The following TYR variants were observed in gnomAD, a reference collection of about 807,000 sequenced individuals.
The protein encoded by TYR is LB24-AB.
TYR carries 58 observed loss-of-function variants against 51.5 expected under a neutral mutation model. The ratio of observed to expected loss-of-function variants is 1.13; its 90% CI spans 0.91 to 1.40. The LOEUF (loss-of-function observed/expected upper bound fraction) is 1.40. TYR is among the 40% of genes most tolerant of loss of function. The probability of loss-of-function intolerance (pLI) is 0.00; values close to 1 mark genes in which losing one functional copy is unlikely to be tolerated. For synonymous variants in TYR, 263 were observed against 235.2 expected (o/e 1.12, Z -1.08); for missense variants, 732 against 647.4 (o/e 1.13, Z -1.42).
Position 89,178,749 on chromosome 11 carries a change from G to A in TYR, c.796G>A (p.Ala266Thr), listed in dbSNP as rs34297847. 9 of 1,613,970 alleles carry A rather than the reference G, an allele frequency of 5.6e-6. No individual in the cohort carries two copies. The highest frequency in any genetic ancestry group is 1.7e-5 in the Admixed American group (1 of 59,996). Reference protein sequence around the residue: ...HPTNPNLLSPASFFSSWQIVC... With the variant: ...HPTNPNLLSPTSFFSSWQIVC... ...CACAAATCCTAACTTACTCAGCCCA[G>A]CATCATTCTTCTCCTCTTGGCAGGT... The change falls in exon 1 of 5, where the codon GCA becomes ACA. Residue 266 changes from alanine (A) to threonine (T), a missense_variant. Physicochemically the swap from Ala to Thr is moderately conservative, Grantham distance 58. Coordinates refer to ENST00000263321, the MANE Select transcript of TYR (RefSeq NM_000372.5).
At position 89,191,399 on chromosome 11, in the gene TYR, C is replaced by T. The variant is rs1184564131; in HGVS notation, c.1017C>T (p.Ser339=). The T allele has an allele frequency of 3.1e-6, 5 of 1,613,524 alleles. No homozygotes were observed. Among genetic ancestry groups the T allele is most frequent in the East Asian group, 2.2e-5 (1 of 44,876 alleles). ...SGSMDKAANF[S]FRNTLEGFAS... ...CCATGGATAAAGCTGCCAATTTCAG[C>T]TTTAGAAATACACTGGAAGGTAATC... Residue 339 remains serine, a synonymous_variant, in exon 2 of 5, where the codon AGC becomes AGT. Coordinates refer to ENST00000263321, the MANE Select transcript of TYR (RefSeq NM_000372.5).
At chr11:89,195,903 T>A (rs1943513281) in intron 2 of TYR, among the ~76,000 whole-genome samples, 1 of 152,102 alleles carries the variant, frequency 6.6e-6, no homozygotes. Context: ...CTTTTATTTA[T>A]TTTTTTAATA....
At chr11:89,205,860 A>G (rs1340229241) in intron 2 of TYR, among the ~76,000 whole-genome samples, 1 of 152,182 alleles carries the variant, frequency 6.6e-6, no homozygotes, top group African/African-American at 2.4e-5. Flanking sequence ...TGAAACAAAA[A>G]TAAAATTTTA....
At chr11:89,289,187 T>A (rs565607060) in intron 4 of TYR, among the ~76,000 whole-genome samples, 1 of 152,178 alleles carries the variant, frequency 6.6e-6, no homozygotes, top group African/African-American at 2.4e-5. Context: ...AAAACTCTGT[T>A]GAGAGCTTCC....
Position 89,287,675 on chromosome 11 carries a change from ATTG to A in TYR, c.1366+2724_1366+2726del, listed in dbSNP as rs1395477760. Among the ~76,000 whole-genome samples, 14 of 152,096 alleles carry A rather than the reference ATTG, an allele frequency of 9.2e-5. No individual in the cohort carries two copies. In the East Asian group the frequency reaches 1.9e-3, roughly 21 times the overall value. ...GGACATGGTTATGAATTTGGGCCAT[ATTG>A]TTAGAATAATGCAAGCCACTGATAA... On this transcript the variant is annotated intron_variant, in intron 4 of 4. Coordinates refer to ENST00000263321, the MANE Select transcript of TYR (RefSeq NM_000372.5).
chr11:89,244,638 G>C (rs1201489986), intron 3 of TYR, among the ~76,000 whole-genome samples: 1 of 152,112 alleles, frequency 6.6e-6, no homozygotes, highest in African/African-American at 2.4e-5. Flanking sequence ...GCTAGATGGT[G>C]CACCTTCGAT....
chr11:89,202,001 C>T (rs1198184778), intron 2 of TYR, among the ~76,000 whole-genome samples: 1 of 152,020 alleles, frequency 6.6e-6, no homozygotes, highest in Non-Finnish European at 1.5e-5. Flanking sequence ...CAGGCCTTTC[C>T]TCTAGAGATT....
intron 2 of TYR, among the ~76,000 whole-genome samples, chr11:89,194,979 C>T (rs191314363): frequency 1.7e-3 from 255 of 152,230 alleles, no homozygotes; most frequent in Non-Finnish European, 2.1e-3. Flanking sequence ...GATCAAGATT[C>T]GGAAGCAAGT....
intron 3 of TYR, among the ~76,000 whole-genome samples, chr11:89,256,634 T>C (rs1944395293): frequency 6.6e-6 from 1 of 151,826 alleles, no homozygotes; most frequent in Admixed American, 6.6e-5. Flanking sequence ...GAAAAAAAAC[T>C]GAAAATGCCT....
intron 2 of TYR, among the ~76,000 whole-genome samples, chr11:89,221,394 C>T (rs1049365960): frequency 6.6e-6 from 1 of 152,184 alleles, no homozygotes; most frequent in African/African-American, 2.4e-5. Context: ...AAAGTATTTT[C>T]TAATAAACAT....
Position 89,178,286 on chromosome 11 carries a change from C to T in TYR, c.333C>T (p.Asn111=), listed in dbSNP as rs1428763809. The T allele has an allele frequency of 6.2e-6, 10 of 1,614,170 alleles. No individual in the cohort carries two copies. Among genetic ancestry groups the T allele is most frequent in the Non-Finnish European group, 8.5e-6 (10 of 1,180,028 alleles). The change falls in exon 1 of 5, where the codon AAC becomes AAT. Residue 111 remains asparagine, a synonymous_variant. Transcript: ENST00000263321. ...GCAAGTTTGGCTTTTGGGGACCAAA[C>T]TGCACAGAGAGACGACTCTTGGTGA... ...GNCKFGFWGP[N]CTERRLLVRR...
intron 2 of TYR, among the ~76,000 whole-genome samples, chr11:89,196,533 G>A (rs762687492): frequency 6.6e-6 from 1 of 152,092 alleles, no homozygotes; most frequent in Admixed American, 6.6e-5. Context: ...CTGACAGACT[G>A]ATAAATCAAT....
chr11:89,238,000 T>A (rs1408549289), intron 3 of TYR, among the ~76,000 whole-genome samples: 1 of 151,828 alleles, frequency 6.6e-6, no homozygotes, highest in Admixed American at 6.6e-5. Context: ...CATATCTGGC[T>A]AATTTTTGTA....
intron 2 of TYR, among the ~76,000 whole-genome samples, chr11:89,197,927 T>C (rs1943544794): frequency 6.6e-6 from 1 of 152,172 alleles, no homozygotes; most frequent in South Asian, 2.1e-4. Context: ...TAACTTTTTT[T>C]CTGCAGCCCT....
Position 89,191,312 on chromosome 11 carries a change from A to C in TYR, c.930A>C (p.Pro310=), listed in dbSNP as rs373154185. 2.5e-6 allele frequency: 4 copies of C among 1,613,662 alleles called. No homozygotes were observed. Among genetic ancestry groups the C allele is most frequent in the Non-Finnish European group, 3.4e-6 (4 of 1,179,762 alleles). ...GAAACCATGACAAATCCAGAACCCC[A>C]AGGCTCCCCTCTTCAGCTGATGTAG... is the stretch of plus-strand genomic sequence containing the variant. ...NPGNHDKSRT[P]RLPSSADVEF... The change falls in exon 2 of 5, where the codon CCA becomes CCC. Residue 310 remains proline, a synonymous_variant. Coordinates refer to ENST00000263321, the MANE Select transcript of TYR (RefSeq NM_000372.5).
intron 1 of TYR, among the ~76,000 whole-genome samples, chr11:89,186,404 C>A (rs1943373305): frequency 6.6e-6 from 1 of 152,054 alleles, no homozygotes; most frequent in South Asian, 2.1e-4. Context: ...TCATATGCAT[C>A]CTGCAGACCT....
chr11:89,221,133 A>C (rs1943906979), intron 2 of TYR, among the ~76,000 whole-genome samples: 1 of 152,230 alleles, frequency 6.6e-6, no homozygotes, highest in Non-Finnish European at 1.5e-5. Context: ...ACTGGTTAAC[A>C]CACACGATGG....
chr11:89,209,245 GT>G (rs1943717771), intron 2 of TYR, among the ~76,000 whole-genome samples: 1 of 152,162 alleles, frequency 6.6e-6, no homozygotes, highest in African/African-American at 2.4e-5. Context: ...CAAATACTAT[GT>G]TTTTCCCATG....
At chr11:89,180,150 A>G (rs575966242) in intron 1 of TYR, among the ~76,000 whole-genome samples, 1 of 152,326 alleles carries the variant, frequency 6.6e-6, no homozygotes, top group African/African-American at 2.4e-5. Flanking sequence ...AAAGGCTAGA[A>G]AAAATGTGCT....
Sources: gnomAD v4.1 joint callset for allele counts (sites outside exome capture counted in the v4.1 genomes callset) on GRCh38, gnomAD v4.1.1 for gene constraint, MANE v1.5 for transcripts, NCBI Gene and HGNC (gene_info 2026-07-23, HGNC 2026-07-21) for gene names.